PRTG: variants seen among roughly 807,000 people sequenced by gnomAD.
PRTG encodes protogenin, also known as immunoglobulin superfamily, DCC subclass, member 5.
PRTG carries 67 observed loss-of-function variants against 122.5 expected under a neutral mutation model. That is an observed-to-expected ratio of 0.55 (90% CI 0.45 to 0.67). The LOEUF (loss-of-function observed/expected upper bound fraction) is 0.67, where lower values mean the gene tolerates loss of function less well. Among genes scored for constraint, PRTG ranks in the 30% least tolerant of loss-of-function variants. PRTG has a pLI of 0.00. For synonymous variants in PRTG, 554 were observed against 501.1 expected (o/e 1.11, Z -1.41); for missense variants, 1,435 against 1,415.4 (o/e 1.01, Z -0.22).
rs896106560 is a variant in PRTG at position 55,646,203 on chromosome 15, G to A, written c.2042-4995C>T. Among the ~76,000 whole-genome samples the A allele has an allele frequency of 1.0e-4, 15 of 147,310 alleles. No homozygotes were observed. In the East Asian group the frequency reaches 1.8e-3, roughly 18 times the overall value. On this transcript the variant is annotated intron_variant, in intron 11 of 19. Transcript: ENST00000389286. Reference sequence around the variant, plus strand: ...TTTTTTTTTTTTTTTTAGTACAGACGGGGTTTCACCATGTTGGCCAGGATG... The same window carrying A: ...TTTTTTTTTTTTTTTTAGTACAGACAGGGTTTCACCATGTTGGCCAGGATG...
At chr15:55,709,878 A>G (rs1041742421) in intron 2 of PRTG, among the ~76,000 whole-genome samples, 1 of 152,230 alleles carries the variant, frequency 6.6e-6, no homozygotes, top group Non-Finnish European at 1.5e-5. Context: ...TCCAAAAACC[A>G]TTAAGAAACT....
rs560677865 is a variant in PRTG, at chr15:55,742,952, T to G, written c.-21A>C. ...GCCATTCAGCGTAGCCGCGCGGGCA[T>G]GCTCCCCGGCCGCCCAGAGCCCCTG... is the stretch of plus-strand genomic sequence containing the variant. On this transcript the variant is annotated 5_prime_UTR_variant, in exon 1 of 20. An upstream start codon of the reference 5' UTR is lost. Coordinates refer to ENST00000389286, the MANE Select transcript of PRTG (RefSeq NM_173814.6). The G allele has an allele frequency of 6.0e-6, 9 of 1,497,492 alleles. No homozygotes were observed. Among genetic ancestry groups the G allele is most frequent in the Non-Finnish European group, 8.0e-6 (9 of 1,123,454 alleles). 92.8% of individuals were successfully genotyped at this position (1,497,492 alleles called of 1,614,324 possible). A position where few individuals can be genotyped will look rare whatever the true frequency, so the allele number is the denominator to read the frequency against.
chr15:55,706,701 C>T (rs1253829872), intron 2 of PRTG, among the ~76,000 whole-genome samples: 1 of 151,732 alleles, frequency 6.6e-6, no homozygotes, highest in Admixed American at 6.6e-5. Flanking sequence ...AGGAGTTCGA[C>T]GTTACAGTGA....
Position 55,672,134 on chromosome 15 carries a change from C to T in PRTG, c.2041+311G>A, listed in dbSNP as rs139178755. ...CCTATTCTAATTGCTATTCTACATCCGCCACACACTCACAATAATTGATCA... is the reference window on the plus strand; with the variant it reads ...CCTATTCTAATTGCTATTCTACATCTGCCACACACTCACAATAATTGATCA... On this transcript the variant is annotated intron_variant, in intron 11 of 19. Transcript: ENST00000389286. Among the ~76,000 whole-genome samples, 506 of 152,150 alleles carry T rather than the reference C, an allele frequency of 3.3e-3. 1 individual carries two copies. Among genetic ancestry groups the T allele is most frequent in the Admixed American group, 9.8e-3 (150 of 15,292 alleles).
chr15:55,652,285 C>A (rs537237260), intron 11 of PRTG, among the ~76,000 whole-genome samples: 1 of 152,022 alleles, frequency 6.6e-6, no homozygotes, highest in African/African-American at 2.4e-5. Flanking sequence ...CCTGATATAA[C>A]GTCAGGATAT....
intron 7 of PRTG, among the ~76,000 whole-genome samples, chr15:55,678,482 G>A (rs940434538): frequency 6.6e-6 from 1 of 152,170 alleles, no homozygotes; most frequent in Non-Finnish European, 1.5e-5. Context: ...CTAGGCTGAA[G>A]TGATCTTCCC....
intron 2 of PRTG, among the ~76,000 whole-genome samples, chr15:55,693,944 G>T (rs1232438380): frequency 2.0e-5 from 3 of 152,028 alleles, no homozygotes; most frequent in Admixed American, 6.6e-5. Context: ...AAACTTTAAG[G>T]CCTGAATAAA....
At chr15:55,624,030 C>T (rs1281706401) in intron 18 of PRTG, among the ~76,000 whole-genome samples, 1 of 152,056 alleles carries the variant, frequency 6.6e-6, no homozygotes, top group Non-Finnish European at 1.5e-5. Flanking sequence ...GACTAATGAC[C>T]ATGGTGTCCT....
intron 2 of PRTG, among the ~76,000 whole-genome samples, chr15:55,702,390 T>C (rs904286862): frequency 6.6e-6 from 1 of 152,206 alleles, no homozygotes; most frequent in Non-Finnish European, 1.5e-5. Context: ...CTTTTATCTT[T>C]TTATTTCTGG....
intron 2 of PRTG, among the ~76,000 whole-genome samples, chr15:55,732,938 G>A (rs1308798217): frequency 2.6e-5 from 4 of 152,202 alleles, no homozygotes; most frequent in African/African-American, 9.6e-5. Context: ...GTGGCTGGAC[G>A]CAGTGGCTCA....
At chr15:55,705,931 T>C (rs1172664792) in intron 2 of PRTG, among the ~76,000 whole-genome samples, 1 of 141,798 alleles carries the variant, frequency 7.1e-6, no homozygotes, top group Non-Finnish European at 1.5e-5. Flanking sequence ...CACTGCAACC[T>C]CCACCTCCTG....
At chr15:55,682,525 T>G (rs1408936869) in intron 3 of PRTG, 28 bp from the exon 4 acceptor site, 3 of 1,232,224 alleles carry the variant, frequency 2.4e-6, no homozygotes, top group Non-Finnish European at 3.2e-6. Flanking sequence ...TAATTAAACT[T>G]TTTGTAGTAG....
intron 2 of PRTG, among the ~76,000 whole-genome samples, chr15:55,689,180 C>CTTT (rs2059586736): frequency 6.6e-6 from 1 of 152,188 alleles, no homozygotes; most frequent in Non-Finnish European, 1.5e-5. Flanking sequence ...ACTCAAGCAG[C>CTTT]TTTCATCTAT....
At position 55,653,736 on chromosome 15, in the gene PRTG, T is replaced by C. The variant is rs578150351; in HGVS notation, c.2042-12528A>G. ...GCCTTGGCCTCCCAAAGTGCTGGGA[T>C]TATAGGCGTCAGCCACTGCGCCCGG... On this transcript the variant is annotated intron_variant, in intron 11 of 19. Transcript: ENST00000389286. Among the ~76,000 whole-genome samples, 20 of 152,332 alleles carry C rather than the reference T, an allele frequency of 1.3e-4. No individual in the cohort carries two copies. The East Asian group carries it at 3.3e-3, about 25-fold the overall frequency.
At chr15:55,732,892 T>A (rs1380930114) in intron 2 of PRTG, among the ~76,000 whole-genome samples, 4 of 152,092 alleles carry the variant, frequency 2.6e-5, no homozygotes, top group Admixed American at 6.6e-5. Flanking sequence ...AAACACATTT[T>A]AAAAAAATAT....
intron 8 of PRTG, among the ~76,000 whole-genome samples, chr15:55,676,899 T>A (rs181742582): frequency 1.2e-3 from 178 of 152,314 alleles, no homozygotes; most frequent in Admixed American, 3.3e-3. Context: ...ATATTCCTTT[T>A]CAAAACCCTA....
At chr15:55,629,419 GTGTGTGTGTGTGTGTGTA>G (rs2059215077) in intron 15 of PRTG, among the ~76,000 whole-genome samples, 1 of 134,534 alleles carries the variant, frequency 7.4e-6, no homozygotes, top group Non-Finnish European at 1.6e-5. Context: ...GTGTGTGTGT[GTGTGTGTGTGTGTGTGTA>G]ATGTTTTACT....
At chr15:55,626,039 T>TA (rs1026185343) in intron 17 of PRTG, among the ~76,000 whole-genome samples, 1 of 152,202 alleles carries the variant, frequency 6.6e-6, no homozygotes. Flanking sequence ...CAAGGTGTGA[T>TA]ACCACCATGC....
intron 15 of PRTG, among the ~76,000 whole-genome samples, chr15:55,636,942 C>T (rs1435986393): frequency 6.6e-6 from 1 of 152,124 alleles, no homozygotes; most frequent in Non-Finnish European, 1.5e-5. Context: ...CCACTGCGCC[C>T]GGCTATATCT....
Sources: gnomAD v4.1 joint callset for allele counts (sites outside exome capture counted in the v4.1 genomes callset) on GRCh38, gnomAD v4.1.1 for gene constraint, MANE v1.5 for transcripts, NCBI Gene and HGNC (gene_info 2026-07-23, HGNC 2026-07-21) for gene names.